CRTC3: variants seen among roughly 807,000 people sequenced by gnomAD.
The protein encoded by CRTC3 is CREB regulated transcription coactivator 3, also known as CREB-regulated transcription coactivator 3.
Under a neutral mutation model 74.5 loss-of-function variants are expected in CRTC3, and 26 were observed. The observed-to-expected ratio is 0.35, with a 90% confidence interval of 0.26 to 0.48. CRTC3 has a LOEUF of 0.48. Ranked by LOEUF, CRTC3 falls within the 20% of genes least tolerant of loss-of-function variation. The probability of loss-of-function intolerance (pLI) is 0.99; values close to 1 mark genes in which losing one functional copy is unlikely to be tolerated. For missense variants in CRTC3, 760 were observed against 787.3 expected (o/e 0.97, Z 0.41); for synonymous variants, 377 against 325.8 (o/e 1.16, Z -1.69).
At chr15:90,603,600 G>T (rs1968141687) in intron 4 of CRTC3, among the ~76,000 whole-genome samples, 1 of 152,188 alleles carries the variant, frequency 6.6e-6, no homozygotes, top group Non-Finnish European at 1.5e-5. Flanking sequence ...ACAGGAAATA[G>T]AATTAACTGA....
chr15:90,629,490 G>C lies in CRTC3; in HGVS notation c.1224G>C (p.Gln408His). 6.2e-7 allele frequency: 1 copy of C among 1,614,076 alleles called. No individual in the cohort carries two copies. The highest frequency in any genetic ancestry group is 1.1e-5 in the South Asian group (1 of 91,072). ...GPEAHQGFSR[Q>H]LSSTSPLAPY... ...AAGCACATCAAGGTTTCAGCAGACA[G>C]CTGTCTTCAACCAGCCCACTGGCCC... The change falls in exon 11 of 15, where the codon CAG (glutamine) becomes CAC (histidine). Residue 408 changes from glutamine (Q) to histidine (H), a missense_variant. Gln to His is a conservative substitution (Grantham distance 24). Transcript: ENST00000268184.
chr15:90,629,671 CTCTTA>C, intron 11 of CRTC3, 139 bp downstream of exon 11: 1 of 716,808 alleles, frequency 1.4e-6, no homozygotes, highest in Non-Finnish European at 2.3e-6. Flanking sequence ...AGTCTGTTCG[CTCTTA>C]TATGTGAAAT....
Position 90,642,179 on chromosome 15 carries a change from A to G in CRTC3, c.*39A>G, listed in dbSNP as rs1401930455. On this transcript the variant is annotated 3_prime_UTR_variant, in exon 15 of 15. Coordinates refer to ENST00000268184, the MANE Select transcript of CRTC3 (RefSeq NM_022769.5). ...GAACAGAAGAATGTTTTTCTGCAAC[A>G]GCCAAAATAGAATGGAATAGAATGA... 6 of 1,565,160 alleles carry G rather than the reference A, an allele frequency of 3.8e-6. No individual in the cohort carries two copies. Among genetic ancestry groups the G allele is most frequent in the East Asian group, 2.2e-5 (1 of 44,638 alleles).
chr15:90,582,599 T>C (rs751959573), intron 2 of CRTC3, among the ~76,000 whole-genome samples: 7 of 152,232 alleles, frequency 4.6e-5, no homozygotes, highest in Non-Finnish European at 8.8e-5. Context: ...TCTTTGTTTT[T>C]TAAATTATGT....
intron 9 of CRTC3, among the ~76,000 whole-genome samples, chr15:90,622,502 T>TTTTC (rs1237859283): frequency 1.3e-5 from 2 of 152,158 alleles, no homozygotes; most frequent in East Asian, 3.9e-4. Flanking sequence ...TCAATTTTAT[T>TTTTC]TTTCTAGTCC....
chr15:90,545,596 A>G (rs1175909296), intron 2 of CRTC3, among the ~76,000 whole-genome samples: 2 of 148,100 alleles, frequency 1.4e-5, no homozygotes, highest in Non-Finnish European at 3.0e-5. Context: ...TTTACTTTTG[A>G]GATGGAGTCT....
intron 8 of CRTC3, 97 bp from the exon 9 acceptor site, chr15:90,619,644 C>A (rs539860842): frequency 2.1e-6 from 2 of 935,494 alleles, no homozygotes; most frequent in African/African-American, 1.6e-5. Flanking sequence ...CTCTCACTTG[C>A]GCCCACTAGA....
chr15:90,558,812 C>T (rs1009724291), intron 2 of CRTC3, among the ~76,000 whole-genome samples: 4 of 151,784 alleles, frequency 2.6e-5, no homozygotes, highest in East Asian at 1.9e-4. Context: ...CGTGCAGTGG[C>T]GTGATCTCGG....
At chr15:90,604,534 G>A in intron 5 of CRTC3, 87 bp downstream of exon 5, 1 of 1,033,546 alleles carries the variant, frequency 9.7e-7, no homozygotes, top group Non-Finnish European at 1.5e-6. Context: ...TTGCCAGAGT[G>A]TGTTTATGTA....
At chr15:90,635,647 GA>G (rs1969206630) in intron 11 of CRTC3, among the ~76,000 whole-genome samples, 1 of 151,924 alleles carries the variant, frequency 6.6e-6, no homozygotes, top group East Asian at 1.9e-4. Context: ...TCTGTCTCCA[GA>G]AAAACTCTGT....
At chr15:90,545,825 G>A (rs111819655) in intron 2 of CRTC3, among the ~76,000 whole-genome samples, 2,954 of 152,168 alleles carry the variant, frequency 0.019, 71 homozygotes, top group African/African-American at 0.06. Flanking sequence ...TGATCCGCCC[G>A]CCTTGGCCTC....
rs374033052 is a variant in CRTC3 at position 90,603,375 on chromosome 15, G to A, written c.413+990G>A. ...GGAGAATGGCGTGAACCCAGGAGGC[G>A]GAGCTTGCAGTGAGCCGAGATCACG... is the stretch of plus-strand genomic sequence containing the variant. On this transcript the variant is annotated intron_variant, in intron 4 of 14. Transcript: ENST00000268184. Among the ~76,000 whole-genome samples the A allele has an allele frequency of 3.4e-4, 51 of 151,774 alleles. 1 individual carries two copies. In the East Asian group the frequency reaches 4.5e-3, roughly 13 times the overall value.
At chr15:90,617,853 A>G (rs1309944228) in intron 7 of CRTC3, 30 bp from the exon 8 acceptor site, 7 of 1,496,424 alleles carry the variant, frequency 4.7e-6, no homozygotes, top group Non-Finnish European at 6.5e-6. Flanking sequence ...TTCTCATGCA[A>G]TGACTGTGCT....
chr15:90,629,521 C>G lies in CRTC3; in HGVS notation c.1255C>G (p.Pro419Ala). The part of the protein sequence containing the change: ...LSSTSPLAPY[P>A]TSQMVSSDRS... ...TTCAACCAGCCCACTGGCCCCATAT[C>G]CTACCTCCCAGGTAAACACACACAG... Residue 419 changes from proline (P) to alanine (A), a missense_variant, in exon 11 of 15, where the codon CCT becomes GCT. This residue lies in a region of CRTC3 where 652 missense variants were observed against 635.2 expected (regional missense o/e 1.03). Coordinates refer to ENST00000268184, the MANE Select transcript of CRTC3 (RefSeq NM_022769.5). 1 of 1,613,998 alleles carries G rather than the reference C, an allele frequency of 6.2e-7. No individual in the cohort carries two copies. The highest frequency in any genetic ancestry group is 1.1e-5 in the South Asian group (1 of 91,082).
chr15:90,626,309 G>A (rs1046542536), intron 10 of CRTC3, among the ~76,000 whole-genome samples: 44 of 152,256 alleles, frequency 2.9e-4, no homozygotes, highest in Admixed American at 1.2e-3. Flanking sequence ...CAGTATTAGT[G>A]GCTGTCATCA....
rs1177226104 is a variant in CRTC3 at position 90,604,444 on chromosome 15, A to G, written c.473A>G (p.Asn158Ser). 1.4e-5 allele frequency: 22 copies of G among 1,612,154 alleles called. No individual in the cohort carries two copies. The highest frequency in any genetic ancestry group is 1.9e-5 in the Non-Finnish European group (22 of 1,178,300). Reference protein sequence around the residue: ...HPGFRLTSALNRTNSDSALHT... With the variant: ...HPGFRLTSALSRTNSDSALHT... ...GGGTTCAGGCTGACATCTGCACTTA[A>G]CAGGTACATGGGTTGTTTCCTGGTA... Residue 158 changes from asparagine to serine, a missense_variant, in exon 5 of 15, where the codon AAC (asparagine) becomes AGC (serine). Asn to Ser is a conservative substitution (Grantham distance 46). Coordinates refer to ENST00000268184, the MANE Select transcript of CRTC3 (RefSeq NM_022769.5).
chr15:90,634,714 C>G (rs1255792879), intron 11 of CRTC3: 2 of 718,410 alleles, frequency 2.8e-6, no homozygotes, highest in East Asian at 2.6e-5. Flanking sequence ...GAGACTGAGG[C>G]GAAGGGAGTC....
chr15:90,624,054 C>CTACT (rs1179167270), intron 9 of CRTC3, among the ~76,000 whole-genome samples: 1 of 152,202 alleles, frequency 6.6e-6, no homozygotes, highest in Non-Finnish European at 1.5e-5. Context: ...TATCACTGCA[C>CTACT]TACTGAATTG....
At chr15:90,531,502 GAA>G (rs1966626481) in intron 1 of CRTC3, among the ~76,000 whole-genome samples, 1 of 152,144 alleles carries the variant, frequency 6.6e-6, no homozygotes, top group South Asian at 2.1e-4. Context: ...AGGAAAAAGT[GAA>G]ATATTTCCTG....
Sources: gnomAD v4.1 joint callset for allele counts (sites outside exome capture counted in the v4.1 genomes callset) on GRCh38, gnomAD v4.1.1 for gene constraint, gnomAD v4.1.1 regional missense constraint, MANE v1.5 for transcripts, NCBI Gene and HGNC (gene_info 2026-07-23, HGNC 2026-07-21) for gene names.